Variants in SKI observed in about 807,000 individuals in gnomAD.
SKI encodes the protein ski oncogene.
SKI carries 23 observed loss-of-function variants against 59.3 expected under a neutral mutation model. That is an observed-to-expected ratio of 0.39 (90% CI 0.28 to 0.55). SKI has a LOEUF of 0.55. SKI is among the 20% of genes least tolerant of loss of function. SKI has a pLI of 0.67. For missense variants in SKI, 1,017 were observed against 1,038.9 expected (o/e 0.98, Z 0.29); for synonymous variants, 673 against 488.6 (o/e 1.38, Z -4.98).
intron 1 of SKI, among the ~76,000 whole-genome samples, chr1:2,266,619 T>G (rs1381650841): frequency 6.6e-6 from 1 of 152,114 alleles, no homozygotes. Flanking sequence ...CTTGTCTGCG[T>G]TTTTGGCCTT....
At chr1:2,306,448 T>A in intron 6 of SKI, 129 bp from the exon 7 acceptor site, 3 of 1,057,442 alleles carry the variant, frequency 2.8e-6, no homozygotes, top group Non-Finnish European at 4.1e-6. Flanking sequence ...TCCTAGCAGG[T>A]GGAGGAGGGG....
At chr1:2,304,996 G>T (rs1640530908) in intron 5 of SKI, among the ~76,000 whole-genome samples, 1 of 152,198 alleles carries the variant, frequency 6.6e-6, no homozygotes, top group African/African-American at 2.4e-5. Flanking sequence ...TCCAGGAGTG[G>T]GTGTTCACGC....
chr1:2,288,200 T>C (rs1168654790), intron 1 of SKI, among the ~76,000 whole-genome samples: 3 of 152,166 alleles, frequency 2.0e-5, no homozygotes, highest in Admixed American at 6.5e-5. Flanking sequence ...TGGGCCAGGC[T>C]GGTCTCGAAC....
chr1:2,296,438 G>A (rs148253382), intron 1 of SKI, among the ~76,000 whole-genome samples: 93 of 152,274 alleles, frequency 6.1e-4, no homozygotes, highest in Middle Eastern at 3.4e-3. Context: ...GTGGGCGTGA[G>A]TTGACGTCTC....
chr1:2,282,811 A>G (rs1557838513), intron 1 of SKI, among the ~76,000 whole-genome samples: 1 of 152,104 alleles, frequency 6.6e-6, no homozygotes, highest in African/African-American at 2.4e-5. Flanking sequence ...CGCCCAGCAC[A>G]TGCTACTAGT....
intron 1 of SKI, among the ~76,000 whole-genome samples, chr1:2,263,234 A>ATT (rs35975887): frequency 1.7e-4 from 20 of 118,468 alleles, no homozygotes; most frequent in African/African-American, 4.6e-4. Context: ...TTTGCTTAGA[A>ATT]TTTTTTTTTT....
At chr1:2,241,988 T>A (rs1331275821) in intron 1 of SKI, among the ~76,000 whole-genome samples, 2 of 152,178 alleles carry the variant, frequency 1.3e-5, no homozygotes, top group African/African-American at 2.4e-5. Flanking sequence ...TGTGCCTGTG[T>A]GTACGTGTGT....
At chr1:2,231,616 A>G (rs1385902971) in intron 1 of SKI, among the ~76,000 whole-genome samples, 3 of 152,196 alleles carry the variant, frequency 2.0e-5, no homozygotes, top group Non-Finnish European at 4.4e-5. Context: ...AGTCCCCAGC[A>G]CTGCTCTGAA....
At position 2,229,382 on chromosome 1, in the gene SKI, A is replaced by C; in HGVS notation, c.616A>C (p.Ser206Arg). 6.2e-7 allele frequency: 1 copy of C among 1,603,836 alleles called. No homozygotes were observed. The highest frequency in any genetic ancestry group is 8.5e-7 in the Non-Finnish European group (1 of 1,175,388). Residue 206 changes from serine (S) to arginine (R), a missense_variant, in exon 1 of 7, where the codon AGC becomes CGC. By Grantham distance (110) the Ser-to-Arg change is moderately radical (BLOSUM62 -1). Coordinates refer to ENST00000378536, the MANE Select transcript of SKI (RefSeq NM_003036.4). The surrounding 1 kb of genome is among the most constrained non-coding windows in gnomAD (Gnocchi z 6.3). ...PPPCKKELAA[S>R]LALGLELSER... ...GCCCTGCAAGAAGGAGCTGGCCGCC[A>C]GCCTGGCGCTGGGCCTGGAGCTCAG...
intron 1 of SKI, among the ~76,000 whole-genome samples, chr1:2,287,027 A>G (rs928020630): frequency 1.3e-5 from 2 of 152,122 alleles, no homozygotes; most frequent in African/African-American, 2.4e-5. Context: ...TGGAAAAGTA[A>G]CGAGTGGAGG....
At chr1:2,233,349 G>A (rs917606889) in intron 1 of SKI, among the ~76,000 whole-genome samples, 1 of 152,130 alleles carries the variant, frequency 6.6e-6, no homozygotes, top group Non-Finnish European at 1.5e-5. Context: ...AGGGGCGGTG[G>A]GCTGCCTGTG....
intron 1 of SKI, among the ~76,000 whole-genome samples, chr1:2,296,393 C>G (rs989088064): frequency 1.3e-5 from 2 of 152,144 alleles, no homozygotes; most frequent in African/African-American, 4.8e-5. Context: ...AAGACTCCGT[C>G]TCAAAAACAA....
In SKI at chr1:2,303,497, C is replaced by G; in HGVS notation, c.1211+97C>G. The G allele has an allele frequency of 8.9e-7, 1 of 1,125,044 alleles. No individual in the cohort carries two copies. The highest frequency in any genetic ancestry group is 1.3e-5 in the South Asian group (1 of 75,432). 69.7% of individuals were successfully genotyped at this position (1,125,044 alleles called of 1,614,324 possible). A position where few individuals can be genotyped will look rare whatever the true frequency, so the allele number is the denominator to read the frequency against. ...CCCATGTTTCTGCAGGCTGGGTGCC[C>G]AGACCTGCCGCCTTTTGGTCAGGGC... On this transcript the variant is annotated intron_variant, in intron 3 of 6. Coordinates refer to ENST00000378536, the MANE Select transcript of SKI (RefSeq NM_003036.4). This position sits in a 1 kb window ranked among gnomAD's most constrained non-coding sequence, Gnocchi z 5.6.
At chr1:2,234,480 G>T (rs1638709745) in intron 1 of SKI, among the ~76,000 whole-genome samples, 1 of 152,210 alleles carries the variant, frequency 6.6e-6, no homozygotes, top group Non-Finnish European at 1.5e-5. Flanking sequence ...TCCGGGTGAG[G>T]GCAGACAGGA....
chr1:2,304,287 C>T lies in SKI; in HGVS notation c.1475-6C>T, dbSNP rs1396360807. On this transcript the variant is annotated splice_polypyrimidine_tract_variant and splice_region_variant and intron_variant, in intron 4 of 6. Transcript: ENST00000378536. Reference sequence around the variant, plus strand: ...GACTTTGTTTCTGTCTCTGCTTCCTCCTCAGTCACCTCCTCCTTGTCCTCG... The same window carrying T: ...GACTTTGTTTCTGTCTCTGCTTCCTTCTCAGTCACCTCCTCCTTGTCCTCG... 5.8e-6 allele frequency: 9 copies of T among 1,551,704 alleles called. No individual in the cohort carries two copies. The highest frequency in any genetic ancestry group is 2.4e-5 in the East Asian group (1 of 40,908).
At chr1:2,274,072 C>T (rs1281169030) in intron 1 of SKI, among the ~76,000 whole-genome samples, 1 of 151,466 alleles carries the variant, frequency 6.6e-6, no homozygotes, top group African/African-American at 2.4e-5. Flanking sequence ...GGTCAGGTGA[C>T]ACCTGTAGTT....
rs1553195584 is a variant in SKI, at chr1:2,270,568, CAAG to C, written c.970-32409_970-32407del. On this transcript the variant is annotated intron_variant, in intron 1 of 6. Coordinates refer to ENST00000378536, the MANE Select transcript of SKI (RefSeq NM_003036.4). The surrounding 1 kb of genome is among the most constrained non-coding windows in gnomAD (Gnocchi z 4.1). The stretch of plus-strand genomic sequence containing the variant: ...CAGTGTTGAGGGGGCGCTGGGGAAA[CAAG>C]CTGCCGGCTGAGGAGGCCGCACTCC... 1.4e-4 allele frequency among the ~76,000 whole-genome samples: 21 copies of C among 152,204 alleles called. No homozygotes were observed. Among genetic ancestry groups the C allele is most frequent in the Non-Finnish European group, 2.6e-4 (18 of 68,030 alleles).
intron 1 of SKI, among the ~76,000 whole-genome samples, chr1:2,259,985 AGTT>A (rs1336647511): frequency 2.6e-5 from 4 of 152,302 alleles, no homozygotes; most frequent in East Asian, 1.9e-4. Flanking sequence ...TTCGGGTACA[AGTT>A]GTTGTCGGGA....
At chr1:2,289,318 G>A (rs111988553) in intron 1 of SKI, among the ~76,000 whole-genome samples, 4 of 152,242 alleles carry the variant, frequency 2.6e-5, no homozygotes, top group East Asian at 1.9e-4. Context: ...ATCCCTCTTC[G>A]GTGAGGGTGG....
Sources: gnomAD v4.1 joint callset for allele counts (sites outside exome capture counted in the v4.1 genomes callset) on GRCh38, gnomAD v4.1.1 for gene constraint, Gnocchi (gnomAD v3.1) non-coding constraint, MANE v1.5 for transcripts, NCBI Gene and HGNC (gene_info 2026-07-23, HGNC 2026-07-21) for gene names.